The following ADGRL2 variants were observed in gnomAD, a reference collection of about 807,000 sequenced individuals.
ADGRL2 encodes the protein adhesion G protein-coupled receptor L2, also known as calcium-independent alpha-latrotoxin receptor 2.
A neutral mutation model predicts 157.4 loss-of-function variants in ADGRL2; 44 were observed. The observed-to-expected ratio is 0.28, with a 90% CI of 0.22 to 0.36. The LOEUF (loss-of-function observed/expected upper bound fraction) is 0.36, where lower values mean the gene tolerates loss of function less well. ADGRL2 is among the 10% of genes least tolerant of loss of function. The pLI, the probability that ADGRL2 is intolerant of heterozygous loss-of-function variation, is 1.00. For missense variants in ADGRL2, 1,510 were observed against 1,768.9 expected (o/e 0.85, Z 2.63); for synonymous variants, 585 against 624.7 (o/e 0.94, Z 0.95).
At chr1:81,823,572 G>A (rs2091205252) in intron 1 of ADGRL2, among the ~76,000 whole-genome samples, 1 of 152,076 alleles carries the variant, frequency 6.6e-6, no homozygotes, top group African/African-American at 2.4e-5. Flanking sequence ...TCATAACTGT[G>A]TTCAGTTAGC....
At chr1:81,400,661 T>A (rs1180573870) in intron 1 of ADGRL2, among the ~76,000 whole-genome samples, 1 of 152,044 alleles carries the variant, frequency 6.6e-6, no homozygotes, top group Non-Finnish European at 1.5e-5. Context: ...CTCAGCTGTA[T>A]CCTAGACTCT....
At chr1:81,714,347 A>G (rs2084037093) in intron 1 of ADGRL2, among the ~76,000 whole-genome samples, 1 of 152,234 alleles carries the variant, frequency 6.6e-6, no homozygotes, top group African/African-American at 2.4e-5. Flanking sequence ...TTGTTACCTC[A>G]CTATTAGGCA....
At chr1:81,486,725 A>C (rs2078510626) in intron 2 of ADGRL2, among the ~76,000 whole-genome samples, 1 of 152,206 alleles carries the variant, frequency 6.6e-6, no homozygotes, top group African/African-American at 2.4e-5. Flanking sequence ...ACAGCACATG[A>C]AAATGTATTT....
intron 1 of ADGRL2, among the ~76,000 whole-genome samples, chr1:81,312,066 A>T (rs910910393): frequency 2.0e-5 from 3 of 152,224 alleles, no homozygotes; most frequent in African/African-American, 7.2e-5. Context: ...TTAATCTTAA[A>T]GGAAATTATT....
intron 1 of ADGRL2, among the ~76,000 whole-genome samples, chr1:81,335,794 C>G (rs1244745939): frequency 2.0e-5 from 3 of 151,574 alleles, no homozygotes; most frequent in Non-Finnish European, 4.4e-5. Flanking sequence ...CTACTGATAG[C>G]CAGACTCCTG....
intron 2 of ADGRL2, among the ~76,000 whole-genome samples, chr1:81,516,110 C>T (rs1414716307): frequency 2.0e-5 from 3 of 152,158 alleles, no homozygotes; most frequent in Non-Finnish European, 4.4e-5. Context: ...TAAGATCTTT[C>T]CTTCAAATCT....
chr1:81,721,716 A>G, intron 1 of ADGRL2: 2 of 1,390,474 alleles, frequency 1.4e-6, no homozygotes, highest in Non-Finnish European at 2.0e-6. Flanking sequence ...AAAGTGAACG[A>G]GCAGGCCCTT....
intron 2 of ADGRL2, among the ~76,000 whole-genome samples, chr1:81,518,282 T>G (rs1290868496): frequency 1.3e-5 from 2 of 152,228 alleles, no homozygotes; most frequent in Non-Finnish European, 2.9e-5. Context: ...TAGATCTGAT[T>G]GCTCCTTTCT....
intron 1 of ADGRL2, among the ~76,000 whole-genome samples, chr1:81,394,876 CT>C (rs541801812): frequency 2.1e-5 from 3 of 146,070 alleles, no homozygotes; most frequent in African/African-American, 7.5e-5. Flanking sequence ...TTTTGTCTCT[CT>C]TTTTTATTTA....
intron 2 of ADGRL2, among the ~76,000 whole-genome samples, chr1:81,464,808 A>G (rs934330282): frequency 1.3e-5 from 2 of 152,166 alleles, no homozygotes; most frequent in African/African-American, 4.8e-5. Context: ...GGGGTGGCAT[A>G]TAATTACTGC....
At chr1:81,781,607 T>C (rs1557646284) in intron 2 of ADGRL2, among the ~76,000 whole-genome samples, 1 of 152,178 alleles carries the variant, frequency 6.6e-6, no homozygotes, top group Non-Finnish European at 1.5e-5. Context: ...CATTTCAGGT[T>C]GGTTACAGAT....
intron 2 of ADGRL2, among the ~76,000 whole-genome samples, chr1:81,874,781 C>T (rs1267345393): frequency 6.6e-6 from 1 of 152,084 alleles, no homozygotes; most frequent in Non-Finnish European, 1.5e-5. Context: ...TCTCAGCTTA[C>T]TGCAACCTCT....
intron 2 of ADGRL2, among the ~76,000 whole-genome samples, chr1:81,771,582 A>G (rs1162267374): frequency 6.6e-6 from 1 of 152,176 alleles, no homozygotes; most frequent in Non-Finnish European, 1.5e-5. Flanking sequence ...ATGATCATAA[A>G]CCAACCTTAC....
intron 1 of ADGRL2, among the ~76,000 whole-genome samples, chr1:81,743,159 C>G (rs1226901974): frequency 6.6e-6 from 1 of 151,938 alleles, no homozygotes; most frequent in Non-Finnish European, 1.5e-5. Flanking sequence ...GAAGTACTTT[C>G]CTCCAGCCTA....
chr1:81,573,910 G>GT lies in ADGRL2; in HGVS notation c.-247-6961dup, dbSNP rs748384088. On this transcript the variant is annotated intron_variant, in intron 2 of 24. Transcript: ENST00000370721. Reference sequence around the variant, plus strand: ...AGTCTCAAAGACTCAGACAACAATAGTTTTTCAATTGTTAGAGAAGTCTCT... The same window carrying GT: ...AGTCTCAAAGACTCAGACAACAATAGTTTTTTCAATTGTTAGAGAAGTCTCT... 2.0e-5 allele frequency among the ~76,000 whole-genome samples: 3 copies of GT among 152,218 alleles called. No individual in the cohort carries two copies. The East Asian group carries it at 5.8e-4, about 29-fold the overall frequency.
chr1:81,341,468 T>G (rs1411422012), intron 1 of ADGRL2, among the ~76,000 whole-genome samples: 1 of 152,120 alleles, frequency 6.6e-6, no homozygotes, highest in African/African-American at 2.4e-5. Flanking sequence ...TGTTTTTTTA[T>G]GTAGGCCTAT....
At chr1:81,450,563 C>T (rs1298697618) in intron 2 of ADGRL2, among the ~76,000 whole-genome samples, 2 of 152,110 alleles carry the variant, frequency 1.3e-5, no homozygotes, top group East Asian at 3.9e-4. Flanking sequence ...ATTATGTACA[C>T]TACCTTTCTC....
At chr1:81,938,086 T>C (rs2095335945) in intron 4 of ADGRL2, among the ~76,000 whole-genome samples, 1 of 151,770 alleles carries the variant, frequency 6.6e-6, no homozygotes, top group Admixed American at 6.6e-5. Context: ...GTTTTCAGTA[T>C]TTTCTGTACC....
chr1:81,920,579 T>C (rs1359288892), intron 3 of ADGRL2, among the ~76,000 whole-genome samples: 1 of 152,140 alleles, frequency 6.6e-6, no homozygotes, highest in Non-Finnish European at 1.5e-5. Context: ...GGCTTCTTCA[T>C]CTTTGCTTCA....
Sources: allele counts gnomAD v4.1 joint callset (sites outside exome capture counted in the v4.1 genomes callset), GRCh38; gene constraint gnomAD v4.1.1; transcripts MANE v1.5; gene names NCBI Gene and HGNC (gene_info 2026-07-23, HGNC 2026-07-21).